The following SCHIP1 variants were observed in gnomAD, a reference collection of about 807,000 sequenced individuals.
The protein encoded by SCHIP1 is schwannomin interacting protein 1.
A neutral mutation model predicts 29.7 loss-of-function variants in SCHIP1; 8 were observed. That is an observed-to-expected ratio of 0.27 (90% CI 0.16 to 0.49). The LOEUF is 0.49. Among genes scored for constraint, SCHIP1 ranks in the 20% least tolerant of loss-of-function variants. The probability of loss-of-function intolerance (pLI) is 0.99; values close to 1 mark genes in which losing one functional copy is unlikely to be tolerated. For missense variants in SCHIP1, 193 were observed against 294.6 expected (o/e 0.66, Z 2.52); for synonymous variants, 76 against 94.9 (o/e 0.80, Z 1.16).
the SCHIP1 span, among the ~76,000 whole-genome samples, chr3:159,602,307 G>T: frequency 3.9e-5 from 6 of 152,146 alleles, no homozygotes; most frequent in South Asian, 2.1e-4. Context: ...TTCTATTTGA[G>T]GTGTGATAGT....
the SCHIP1 span, among the ~76,000 whole-genome samples, chr3:159,638,646 G>A: frequency 6.6e-6 from 1 of 151,504 alleles, no homozygotes. Context: ...TAGAGGGGGT[G>A]CGATCTCTGC....
At chr3:159,749,230 G>A in the SCHIP1 span, among the ~76,000 whole-genome samples, 1 of 152,016 alleles carries the variant, frequency 6.6e-6, no homozygotes, top group Non-Finnish European at 1.5e-5. Flanking sequence ...GAGTTGGGAG[G>A]CCAAGGGCAG....
the SCHIP1 span, among the ~76,000 whole-genome samples, chr3:159,407,984 A>T: frequency 3.3e-5 from 5 of 152,232 alleles, no homozygotes; most frequent in Admixed American, 1.3e-4. Flanking sequence ...GAAAAGCAAG[A>T]GCAAAGCAAA....
the SCHIP1 span, among the ~76,000 whole-genome samples, chr3:159,520,401 G>A: frequency 1.3e-5 from 2 of 152,182 alleles, no homozygotes; most frequent in Non-Finnish European, 2.9e-5. Context: ...AGTCTTGGGG[G>A]TACAGGACCC....
the SCHIP1 span, among the ~76,000 whole-genome samples, chr3:159,399,521 A>G: frequency 1.3e-5 from 2 of 152,088 alleles, no homozygotes; most frequent in Admixed American, 1.3e-4. Context: ...GCTTAGCACA[A>G]AAGTTCTCCA....
chr3:159,505,521 G>A, the SCHIP1 span, among the ~76,000 whole-genome samples: 5 of 151,974 alleles, frequency 3.3e-5, no homozygotes, highest in Admixed American at 6.6e-5. Context: ...CGTGCACAAC[G>A]TGCAGGTTTG....
the SCHIP1 span, among the ~76,000 whole-genome samples, chr3:159,293,593 T>C: frequency 6.6e-6 from 1 of 152,178 alleles, no homozygotes; most frequent in Admixed American, 6.5e-5. Flanking sequence ...CAAGTAGCAA[T>C]CTGTCAGGAA....
At chr3:159,404,684 G>A in the SCHIP1 span, among the ~76,000 whole-genome samples, 2 of 152,190 alleles carry the variant, frequency 1.3e-5, no homozygotes, top group Non-Finnish European at 2.9e-5. Flanking sequence ...ACAGCATCTT[G>A]GAACCCACCC....
chr3:159,444,514 T>C, the SCHIP1 span, among the ~76,000 whole-genome samples: 1 of 152,026 alleles, frequency 6.6e-6, no homozygotes, highest in Non-Finnish European at 1.5e-5. Context: ...GTCACAAGTA[T>C]CTTAAAGAAC....
At chr3:159,384,462 C>A in the SCHIP1 span, among the ~76,000 whole-genome samples, 2 of 144,284 alleles carry the variant, frequency 1.4e-5, no homozygotes, top group Admixed American at 1.4e-4. Flanking sequence ...ATGAAGCCCA[C>A]TTGATCATGG....
At chr3:159,445,007 A>C in the SCHIP1 span, among the ~76,000 whole-genome samples, 1 of 152,126 alleles carries the variant, frequency 6.6e-6, no homozygotes, top group African/African-American at 2.4e-5. Context: ...AATGGCAACA[A>C]AAGCCAAAAT....
the SCHIP1 span, among the ~76,000 whole-genome samples, chr3:159,809,908 C>T: frequency 6.6e-6 from 1 of 152,072 alleles, no homozygotes; most frequent in African/African-American, 2.4e-5. Context: ...GCAGGAGTAT[C>T]GCTTGAGCCC....
chr3:159,359,203 G>A, the SCHIP1 span, among the ~76,000 whole-genome samples: 5 of 152,106 alleles, frequency 3.3e-5, no homozygotes, highest in African/African-American at 1.2e-4. Context: ...TGGGATTACA[G>A]GCATGAGCCA....
chr3:159,371,227 C>A, the SCHIP1 span, among the ~76,000 whole-genome samples: 1 of 152,106 alleles, frequency 6.6e-6, no homozygotes, highest in Non-Finnish European at 1.5e-5. Context: ...GTGTAGCTTG[C>A]CATACATCAT....
chr3:159,803,917 G>A, the SCHIP1 span, among the ~76,000 whole-genome samples: 1 of 152,160 alleles, frequency 6.6e-6, no homozygotes, highest in South Asian at 2.1e-4. Context: ...TACAGATTTA[G>A]AAGCTCAGAA....
the SCHIP1 span, among the ~76,000 whole-genome samples, chr3:159,636,443 G>C: frequency 6.6e-6 from 1 of 152,186 alleles, no homozygotes; most frequent in East Asian, 1.9e-4. Flanking sequence ...GCTAATTGAA[G>C]AACAGAGAGG....
At chr3:159,696,182 A>G in the SCHIP1 span, among the ~76,000 whole-genome samples, 1 of 152,162 alleles carries the variant, frequency 6.6e-6, no homozygotes, top group Non-Finnish European at 1.5e-5. Context: ...ATGGTTTACA[A>G]TCAGGTCCTA....
the SCHIP1 span, among the ~76,000 whole-genome samples, chr3:159,570,558 T>G: frequency 3.3e-5 from 5 of 152,220 alleles, no homozygotes; most frequent in South Asian, 2.1e-4. Context: ...CCTTGTAGTA[T>G]AGTTTGAAGT....
the SCHIP1 span, among the ~76,000 whole-genome samples, chr3:159,549,687 C>T: frequency 6.6e-6 from 1 of 152,074 alleles, no homozygotes; most frequent in African/African-American, 2.4e-5. Flanking sequence ...TTGTATAAGC[C>T]ACCCAATCTA....
Sources: allele counts gnomAD v4.1 joint callset (sites outside exome capture counted in the v4.1 genomes callset), GRCh38; gene constraint gnomAD v4.1.1; transcripts MANE v1.5; gene names NCBI Gene and HGNC (gene_info 2026-07-23, HGNC 2026-07-21).